The following RPN2 variants were observed in gnomAD, a reference collection of about 807,000 sequenced individuals.
RPN2 encodes ribophorin II, also known as dolichyl-diphosphooligosaccharide--protein glycosyltransferase subunit 2.
In RPN2, 29 loss-of-function variants were observed where a neutral mutation model predicts 71.4. The ratio of observed to expected loss-of-function variants is 0.41; its 90% CI spans 0.30 to 0.55. The LOEUF (loss-of-function observed/expected upper bound fraction) is 0.55. Among genes scored for constraint, RPN2 ranks in the 20% least tolerant of loss-of-function variants. The pLI is 0.35. For missense variants in RPN2, 726 were observed against 774.1 expected, an observed-to-expected ratio of 0.94 and a Z score of 0.74; for synonymous variants, 308 against 305.0, an observed-to-expected ratio of 1.01 and a Z score of -0.10.
chr20:37,221,341 G>A (rs8125022), intron 9 of RPN2, among the ~76,000 whole-genome samples: 112,304 of 151,750 alleles, frequency 0.74, 42,005 homozygotes, highest in Middle Eastern at 0.85. Context: ...GACTACAGGC[G>A]TGCATCACCA....
intron 2 of RPN2, among the ~76,000 whole-genome samples, chr20:37,184,646 G>T (rs953098119): frequency 6.6e-6 from 1 of 152,146 alleles, no homozygotes; most frequent in African/African-American, 2.4e-5. Flanking sequence ...GAAAAAATTA[G>T]CTGGGTGTGG....
chr20:37,186,742 C>A (rs2067018051), intron 2 of RPN2, among the ~76,000 whole-genome samples: 1 of 152,188 alleles, frequency 6.6e-6, no homozygotes, highest in Non-Finnish European at 1.5e-5. Context: ...CCATTTTTTG[C>A]TGGTATCTCT....
At chr20:37,237,276 A>C (rs1351342121) in intron 16 of RPN2, among the ~76,000 whole-genome samples, 1 of 152,186 alleles carries the variant, frequency 6.6e-6, no homozygotes. Context: ...CCTTGACATG[A>C]GGGCAGCTTG....
chr20:37,206,822 C>T (rs1183876523), intron 6 of RPN2, among the ~76,000 whole-genome samples: 1 of 151,994 alleles, frequency 6.6e-6, no homozygotes, highest in African/African-American at 2.4e-5. Context: ...AATTCTCGTG[C>T]CTCAGCCTCT....
intron 2 of RPN2, among the ~76,000 whole-genome samples, chr20:37,193,602 C>T (rs2067193264): frequency 6.6e-6 from 1 of 152,144 alleles, no homozygotes; most frequent in African/African-American, 2.4e-5. Context: ...TTTTGGAAGA[C>T]AGACTATAGC....
At chr20:37,182,479 C>T (rs553668744) in intron 1 of RPN2, among the ~76,000 whole-genome samples, 1 of 152,300 alleles carries the variant, frequency 6.6e-6, no homozygotes, top group African/African-American at 2.4e-5. Context: ...CAGTCTCAAC[C>T]TCCTGGGCTC....
chr20:37,224,302 AAAT>A (rs1451083331), intron 10 of RPN2, among the ~76,000 whole-genome samples: 1 of 152,172 alleles, frequency 6.6e-6, no homozygotes, highest in African/African-American at 2.4e-5. Context: ...ATAATTTTTA[AAAT>A]AATAAGACCT....
intron 16 of RPN2, chr20:37,238,386 C>T (rs773571833): frequency 3.1e-6 from 5 of 1,603,272 alleles, no homozygotes; most frequent in Non-Finnish European, 4.3e-6. Context: ...TTCTCAAACC[C>T]TCTTTCCTTT....
Position 37,230,136 on chromosome 20 carries a change from TTTAAC to T in RPN2, c.1581+80_1581+84del, listed in dbSNP as rs2068200047. The T allele has an allele frequency of 8.2e-6, 9 of 1,091,268 alleles. No homozygotes were observed. In the South Asian group the frequency reaches 1.1e-4, roughly 14 times the overall value. 67.6% of individuals were successfully genotyped at this position (1,091,268 alleles called of 1,614,324 possible). ...AGCCCTGGACAGTGGCTCTGCTCCC[TTTAAC>T]TTGTTTTGTGATGTTTTATAGTTTG... is the stretch of plus-strand genomic sequence containing the variant. On this transcript the variant is annotated intron_variant, in intron 13 of 16. Transcript: ENST00000237530.
chr20:37,209,842 G>A (rs1470260144), intron 7 of RPN2, among the ~76,000 whole-genome samples: 9 of 151,980 alleles, frequency 5.9e-5, no homozygotes, highest in Non-Finnish European at 8.8e-5. Flanking sequence ...CAGAAAGAAG[G>A]CAATATATTG....
chr20:37,240,308 C>G lies in RPN2; in HGVS notation c.1884-995C>G, dbSNP rs578105241. On this transcript the variant is annotated intron_variant, in intron 16 of 16. Transcript: ENST00000237530. ...TGTTCTTATTTCATACTCATGCCAT[C>G]CTTTCTGCATGAACATTTCTGAATG... Among the ~76,000 whole-genome samples, 3 of 152,334 alleles carry G rather than the reference C, an allele frequency of 2.0e-5. No homozygotes were observed. In the East Asian group the frequency reaches 5.8e-4, roughly 29 times the overall value.
intron 9 of RPN2, among the ~76,000 whole-genome samples, chr20:37,221,593 T>C (rs774658959): frequency 1.3e-5 from 2 of 152,230 alleles, no homozygotes; most frequent in Non-Finnish European, 2.9e-5. Flanking sequence ...TTCAGTAGGA[T>C]GATGATTTCA....
intron 8 of RPN2, among the ~76,000 whole-genome samples, chr20:37,211,841 G>A (rs1363464507): frequency 6.6e-6 from 1 of 151,814 alleles, no homozygotes; most frequent in African/African-American, 2.4e-5. Context: ...AGCTTCAAAT[G>A]ATTCTTCTGC....
intron 7 of RPN2, among the ~76,000 whole-genome samples, chr20:37,208,359 A>T (rs894826990): frequency 6.6e-6 from 1 of 151,460 alleles, no homozygotes; most frequent in Non-Finnish European, 1.5e-5. Context: ...GAAGTCTTGC[A>T]TCTAAAATGC....
Position 37,204,906 on chromosome 20 carries a change from C to A in RPN2, c.690+5C>A. 2 of 1,614,148 alleles carry A rather than the reference C, an allele frequency of 1.2e-6. No individual in the cohort carries two copies. The highest frequency in any genetic ancestry group is 1.1e-5 in the South Asian group (1 of 91,082). Reference sequence around the variant, plus strand: ...ACTGAGCCATCCATTAAGGAGGTACCTATCTAACAATTTTCAGGCATGAAA... The same window carrying A: ...ACTGAGCCATCCATTAAGGAGGTACATATCTAACAATTTTCAGGCATGAAA... On this transcript the variant is annotated splice_donor_5th_base_variant and intron_variant, in intron 6 of 16. Transcript: ENST00000237530.
At chr20:37,240,840 T>C (rs2068531680) in intron 16 of RPN2, among the ~76,000 whole-genome samples, 1 of 152,256 alleles carries the variant, frequency 6.6e-6, no homozygotes, top group African/African-American at 2.4e-5. Context: ...TGCAGGTTTC[T>C]GTAATGAATG....
chr20:37,210,081 C>G lies in RPN2; in HGVS notation c.902C>G (p.Thr301Ser), dbSNP rs565794646. The stretch of plus-strand genomic sequence containing the variant: ...ACCAATGTTCTGTCTCAGCCTCTGA[C>G]TCAGGCCACTGTTAAACTAGAACAT... ...QVTNVLSQPL[T>S]QATVKLEHAK... is the part of the protein sequence containing the mutation. The change falls in exon 8 of 17, where the codon ACT (threonine) becomes AGT (serine). Residue 301 changes from threonine to serine, a missense_variant. By Grantham distance (58) the Thr-to-Ser change is moderately conservative. Coordinates refer to ENST00000237530, the MANE Select transcript of RPN2 (RefSeq NM_002951.5). The G allele has an allele frequency of 6.2e-7, 1 of 1,614,134 alleles. No homozygotes were observed. Among genetic ancestry groups the G allele is most frequent in the South Asian group, 1.1e-5 (1 of 91,088 alleles).
At chr20:37,189,323 ATGTGTGTGTGTGTGTGTGTG>A (rs11474653) in intron 2 of RPN2, among the ~76,000 whole-genome samples, 3 of 64,508 alleles carry the variant, frequency 4.7e-5, no homozygotes, top group Admixed American at 2.1e-4. Flanking sequence ...GTGTGTGTGT[ATGTGTGTGTGTGTGTGTGTG>A]TGTGTGTGTG....
At chr20:37,224,210 C>T (rs2068024708) in intron 10 of RPN2, among the ~76,000 whole-genome samples, 1 of 152,182 alleles carries the variant, frequency 6.6e-6, no homozygotes, top group Non-Finnish European at 1.5e-5. Context: ...TTAACCAGTC[C>T]TCAACGAGGT....
Sources: allele counts gnomAD v4.1 joint callset (sites outside exome capture counted in the v4.1 genomes callset), GRCh38; gene constraint gnomAD v4.1.1; transcripts MANE v1.5; gene names NCBI Gene and HGNC (gene_info 2026-07-23, HGNC 2026-07-21).